Variants in STXBP5 observed in about 807,000 individuals in gnomAD.
The protein encoded by STXBP5 is syntaxin-binding protein 5.
In STXBP5, 50 loss-of-function variants were observed where a neutral mutation model predicts 152.4. The observed-to-expected ratio is 0.33, with a 90% CI of 0.26 to 0.42. The LOEUF (loss-of-function observed/expected upper bound fraction) is 0.42. Among genes scored for constraint, STXBP5 ranks in the 10% least tolerant of loss-of-function variants. The pLI is 1.00. For synonymous variants in STXBP5, 492 were observed against 494.7 expected, an observed-to-expected ratio of 0.99 and a Z score of 0.07; for missense variants, 1,167 against 1,388.6, an observed-to-expected ratio of 0.84 and a Z score of 2.54.
At chr6:147,277,010 T>A (rs1780474227) in intron 7 of STXBP5, among the ~76,000 whole-genome samples, 1 of 152,134 alleles carries the variant, frequency 6.6e-6, no homozygotes, top group Non-Finnish European at 1.5e-5. Flanking sequence ...AATGCATTTT[T>A]GACTTATGAT....
chr6:147,343,325 C>CAA (rs1308384485), intron 21 of STXBP5, among the ~76,000 whole-genome samples: 3 of 152,084 alleles, frequency 2.0e-5, no homozygotes, highest in African/African-American at 7.2e-5. Context: ...AATGTTCTTT[C>CAA]AAGTGCTGTT....
At chr6:147,251,811 A>G (rs1779111107) in intron 4 of STXBP5, among the ~76,000 whole-genome samples, 1 of 152,196 alleles carries the variant, frequency 6.6e-6, no homozygotes, top group South Asian at 2.1e-4. Flanking sequence ...ACCTCGCAGC[A>G]GGGGTCGACA....
At chr6:147,350,502 TTTATC>T (rs1283362089) in intron 21 of STXBP5, among the ~76,000 whole-genome samples, 7 of 152,288 alleles carry the variant, frequency 4.6e-5, no homozygotes, top group South Asian at 2.1e-4. Flanking sequence ...ATTTGTTACT[TTTATC>T]TTATAAATCA....
intron 8 of STXBP5, among the ~76,000 whole-genome samples, chr6:147,284,599 A>T (rs1034777351): frequency 6.6e-6 from 1 of 152,250 alleles, no homozygotes; most frequent in African/African-American, 2.4e-5. Context: ...TCACAAATTC[A>T]GGGTATATGA....
intron 4 of STXBP5, among the ~76,000 whole-genome samples, chr6:147,251,311 G>C (rs1456935414): frequency 1.5e-5 from 2 of 131,580 alleles, no homozygotes; most frequent in African/African-American, 6.1e-5. Context: ...AGATTCCTTT[G>C]GGTGCCTACG....
chr6:147,285,492 G>A (rs1198189253), intron 8 of STXBP5, among the ~76,000 whole-genome samples: 3 of 150,284 alleles, frequency 2.0e-5, no homozygotes, highest in Non-Finnish European at 4.4e-5. Context: ...GGATTTGTTG[G>A]GTTTTTTTCA....
At chr6:147,270,358 C>G (rs1780100956) in intron 7 of STXBP5, among the ~76,000 whole-genome samples, 1 of 145,766 alleles carries the variant, frequency 6.9e-6, no homozygotes, top group South Asian at 2.2e-4. Context: ...GAAATCACAC[C>G]ACTGCACTCC....
intron 2 of STXBP5, among the ~76,000 whole-genome samples, chr6:147,216,000 G>T (rs1777145948): frequency 6.6e-6 from 1 of 152,124 alleles, no homozygotes; most frequent in Non-Finnish European, 1.5e-5. Context: ...AAAAGTGAAT[G>T]TAAGCATTTT....
Position 147,310,145 on chromosome 6 carries a change from T to C in STXBP5, c.979T>C (p.Leu327=). Residue 327 remains leucine, a synonymous_variant, in exon 10 of 28, where the codon TTA becomes CTA. Transcript: ENST00000321680. ...SYDTVGRRPC[L]TVMHGKSTAV... ...TGATACTGTAGGAAGAAGACCTTGCTTAACAGTGATGCATGGGAAAAGCAC... is the reference window on the plus strand; with the variant it reads ...TGATACTGTAGGAAGAAGACCTTGCCTAACAGTGATGCATGGGAAAAGCAC... The C allele has an allele frequency of 6.2e-7, 1 of 1,604,542 alleles. No individual in the cohort carries two copies. The highest frequency in any genetic ancestry group is 1.7e-4 in the Middle Eastern group (1 of 6,020).
Position 147,315,748 on chromosome 6 carries a change from TAGTTATTTTCATGGTCA to T in STXBP5, c.1623+26_1623+42del, listed in dbSNP as rs1257938120. 3 of 1,592,906 alleles carry T rather than the reference TAGTTATTTTCATGGTCA, an allele frequency of 1.9e-6. 1 individual carries two copies. In the South Asian group the frequency reaches 3.3e-5, roughly 18 times the overall value. ...AGAAGTCATTCCGGTAATAACGTCTTAGTTATTTTCATGGTCAAGTTATTTTCATCCACATTTTTAAA... is the reference window on the plus strand; with the variant it reads ...AGAAGTCATTCCGGTAATAACGTCTTAGTTATTTTCATCCACATTTTTAAA... On this transcript the variant is annotated intron_variant, in intron 15 of 27. Transcript: ENST00000321680.
chr6:147,319,992 C>A (rs1379367836), intron 16 of STXBP5, among the ~76,000 whole-genome samples: 1 of 151,808 alleles, frequency 6.6e-6, no homozygotes, highest in African/African-American at 2.4e-5. Context: ...CAAGCGCACA[C>A]CACCTTGCCC....
intron 2 of STXBP5, among the ~76,000 whole-genome samples, chr6:147,209,792 A>C (rs1351565482): frequency 6.6e-6 from 1 of 152,184 alleles, no homozygotes; most frequent in Non-Finnish European, 1.5e-5. Context: ...ATTCAGAATG[A>C]CAGGGAGGAA....
chr6:147,371,557 G>T (rs376643056), intron 25 of STXBP5, among the ~76,000 whole-genome samples: 10 of 152,182 alleles, frequency 6.6e-5, no homozygotes, highest in African/African-American at 2.4e-4. Flanking sequence ...CCCTTTTAAA[G>T]TTGAAGAAGC....
At chr6:147,252,139 G>T (rs999708167) in intron 4 of STXBP5, among the ~76,000 whole-genome samples, 6 of 152,072 alleles carry the variant, frequency 3.9e-5, no homozygotes, top group Non-Finnish European at 7.4e-5. Context: ...GCACAAAAAG[G>T]CTGAAAATTC....
At chr6:147,215,065 G>C (rs1777090830) in intron 2 of STXBP5, among the ~76,000 whole-genome samples, 1 of 152,192 alleles carries the variant, frequency 6.6e-6, no homozygotes, top group Admixed American at 6.5e-5. Context: ...TAGGCTTTAT[G>C]GTCTCTGTGA....
At chr6:147,292,394 G>A (rs1321390045) in intron 9 of STXBP5, 5 of 311,314 alleles carry the variant, frequency 1.6e-5, no homozygotes, top group South Asian at 1.3e-4. Flanking sequence ...CTTCTTTGTG[G>A]TTCATTTTCC....
chr6:147,239,135 A>G, intron 3 of STXBP5, 35 bp from the exon 4 acceptor site: 3 of 1,554,842 alleles, frequency 1.9e-6, no homozygotes, highest in Non-Finnish European at 2.6e-6. Flanking sequence ...TATAAAATAT[A>G]TTATACATGA....
At chr6:147,294,579 A>G (rs141251865) in intron 9 of STXBP5, among the ~76,000 whole-genome samples, 78 of 152,218 alleles carry the variant, frequency 5.1e-4, no homozygotes, top group African/African-American at 1.8e-3. Context: ...AGGTTGACCA[A>G]ATTTTATAAC....
chr6:147,208,090 A>G (rs1776663230), intron 2 of STXBP5, among the ~76,000 whole-genome samples: 1 of 152,200 alleles, frequency 6.6e-6, no homozygotes, highest in Non-Finnish European at 1.5e-5. Flanking sequence ...GTTAAATATT[A>G]TGTGAATAAA....
Sources: allele counts gnomAD v4.1 joint callset (sites outside exome capture counted in the v4.1 genomes callset), GRCh38; gene constraint gnomAD v4.1.1; transcripts MANE v1.5; gene names NCBI Gene and HGNC (gene_info 2026-07-23, HGNC 2026-07-21).